Variants in HOXD3 observed in about 807,000 individuals in gnomAD.
HOXD3 encodes homeobox D3.
In HOXD3, 13 loss-of-function variants were observed where a neutral mutation model predicts 32.8. The ratio of observed to expected loss-of-function variants is 0.40; its 90% CI spans 0.26 to 0.63. The LOEUF is 0.63. Among genes scored for constraint, HOXD3 ranks in the 20% least tolerant of loss-of-function variants. HOXD3 has a pLI of 0.44. For missense variants in HOXD3, 504 were observed against 577.1 expected, an observed-to-expected ratio of 0.87 and a Z score of 1.30; for synonymous variants, 241 against 246.8, an observed-to-expected ratio of 0.98 and a Z score of 0.22.
intron 1 of HOXD3, among the ~76,000 whole-genome samples, chr2:176,160,193 G>C (rs1472907265): frequency 7.9e-5 from 12 of 152,192 alleles, no homozygotes; most frequent in African/African-American, 2.9e-4. Context: ...CCGCCTTGCC[G>C]GGGTGCATGA....
At chr2:176,171,490 G>T (rs1026052610) in intron 3 of HOXD3, 27 bp from the exon 4 acceptor site, 2 of 1,553,200 alleles carry the variant, frequency 1.3e-6, no homozygotes, top group African/African-American at 1.4e-5. Flanking sequence ...CTCGCTCAGC[G>T]CCCTCCCTCT....
In HOXD3 at chr2:176,170,181, T is replaced by C. The variant is rs577531938; in HGVS notation, c.541+526T>C. On this transcript the variant is annotated intron_variant, in intron 3 of 3. Transcript: ENST00000683222. The stretch of plus-strand genomic sequence containing the variant: ...CCCATTTTACAGATAAGAAAACTGT[T>C]AGAGAGGATAGGCAACTTGCCCAAG... Among the ~76,000 whole-genome samples, 3 of 152,246 alleles carry C rather than the reference T, an allele frequency of 2.0e-5. No homozygotes were observed. In the East Asian group the frequency reaches 5.8e-4, roughly 29 times the overall value.
Position 176,172,086 on chromosome 2 carries a change from G to T in HOXD3, c.1111G>T (p.Gly371Trp). 1 of 1,611,722 alleles carries T rather than the reference G, an allele frequency of 6.2e-7. No individual in the cohort carries two copies. Among genetic ancestry groups the T allele is most frequent in the East Asian group, 2.2e-5 (1 of 44,840 alleles). Reference protein sequence around the residue: ...NFVESMAPASGPVFNLGHLSH... With the variant: ...NFVESMAPASWPVFNLGHLSH... ...CGTCGAGTCCATGGCGCCCGCGTCC[G>T]GGCCTGTCTTCAACCTGGGCCACCT... is the stretch of plus-strand genomic sequence containing the variant. The change falls in exon 4 of 4, where the codon GGG becomes TGG. Residue 371 changes from glycine to tryptophan, a missense_variant. Gly to Trp is a radical substitution (Grantham distance 184). This residue lies in a region of HOXD3 where 226 missense variants were observed against 246.9 expected (regional missense o/e 0.92). Coordinates refer to ENST00000683222, the MANE Select transcript of HOXD3 (RefSeq NM_006898.5).
At chr2:176,162,289 A>G (rs1283957429) in intron 1 of HOXD3, among the ~76,000 whole-genome samples, 2 of 152,196 alleles carry the variant, frequency 1.3e-5, no homozygotes, top group Admixed American at 6.5e-5. Flanking sequence ...ATTTGGCCCC[A>G]TGGAGCATTC....
intron 1 of HOXD3, among the ~76,000 whole-genome samples, chr2:176,161,248 G>A (rs972833725): frequency 6.6e-6 from 1 of 152,164 alleles, no homozygotes; most frequent in Admixed American, 6.5e-5. Context: ...CATGGAGGAC[G>A]GTGATTAATC....
At chr2:176,160,218 C>T (rs1690756127) in intron 1 of HOXD3, among the ~76,000 whole-genome samples, 1 of 152,186 alleles carries the variant, frequency 6.6e-6, no homozygotes, top group South Asian at 2.1e-4. Flanking sequence ...GCGGAGTACT[C>T]CGCGGGCCCG....
At chr2:176,164,032 C>T (rs1690888775) in intron 1 of HOXD3, 41 bp from the exon 2 acceptor site, 1 of 152,056 alleles carries the variant, frequency 6.6e-6, no homozygotes, top group Non-Finnish European at 1.5e-5. Flanking sequence ...TGTTTGTAAG[C>T]AAGAACCGGC....
chr2:176,162,180 A>G (rs889921753), intron 1 of HOXD3, among the ~76,000 whole-genome samples: 1 of 152,278 alleles, frequency 6.6e-6, no homozygotes, highest in Non-Finnish European at 1.5e-5. Context: ...TGGCTTCATC[A>G]GAACTGAAAG....
chr2:176,172,054 G>T lies in HOXD3; in HGVS notation c.1079G>T (p.Gly360Val), dbSNP rs1224974493. Reference sequence around the variant, plus strand: ...CAGGGCAGCCCGGTGTACGTGGGCGGCAACTTCGTCGAGTCCATGGCGCCC... The same window carrying T: ...CAGGGCAGCCCGGTGTACGTGGGCGTCAACTTCGTCGAGTCCATGGCGCCC... The part of the protein sequence containing the change: ...NLQGSPVYVG[G>V]NFVESMAPAS... Residue 360 changes from glycine to valine, a missense_variant, in exon 4 of 4, where the codon GGC (glycine) becomes GTC (valine). By Grantham distance (109) the Gly-to-Val change is moderately radical (BLOSUM62 -3). Around this residue, in one of 3 missense-constraint regions of HOXD3, gnomAD observed 226 missense variants for 246.9 expected, o/e 0.92. Coordinates refer to ENST00000683222, the MANE Select transcript of HOXD3 (RefSeq NM_006898.5). The T allele has an allele frequency of 6.2e-7, 1 of 1,609,002 alleles. No homozygotes were observed.
chr2:176,157,399 G>T lies in HOXD3; in HGVS notation c.-234G>T, dbSNP rs1000640863. Among the ~76,000 whole-genome samples, 13 of 152,114 alleles carry T rather than the reference G, an allele frequency of 8.5e-5. No individual in the cohort carries two copies. Among genetic ancestry groups the T allele is most frequent in the Non-Finnish European group, 1.6e-4 (11 of 68,010 alleles). On this transcript the variant is annotated 5_prime_UTR_variant, in exon 1 of 4. Coordinates refer to ENST00000683222, the MANE Select transcript of HOXD3 (RefSeq NM_006898.5). ...ATCACCCGTCCAGGGGGGCCGCGCGGTGCCCCCGGCCCTCCACCCCCGGCC... is the reference window on the plus strand; with the variant it reads ...ATCACCCGTCCAGGGGGGCCGCGCGTTGCCCCCGGCCCTCCACCCCCGGCC...
At chr2:176,164,320 C>T (rs951666859) in intron 2 of HOXD3, 152 bp downstream of exon 2, 1 of 152,160 alleles carries the variant, frequency 6.6e-6, no homozygotes, top group South Asian at 2.1e-4. Context: ...ACATGAAAAC[C>T]GATCATTGGC....
intron 2 of HOXD3, chr2:176,164,790 G>A (rs1218867024): frequency 2.6e-5 from 4 of 152,248 alleles, no homozygotes; most frequent in Non-Finnish European, 5.9e-5. Flanking sequence ...CTACCCGTCG[G>A]TGATTTACGA....
intron 1 of HOXD3, among the ~76,000 whole-genome samples, chr2:176,162,654 CT>C (rs1317621813): frequency 6.6e-6 from 1 of 152,116 alleles, no homozygotes; most frequent in African/African-American, 2.4e-5. Flanking sequence ...TTGGGGTCCT[CT>C]TTCCTTTCTT....
intron 1 of HOXD3, among the ~76,000 whole-genome samples, chr2:176,163,030 G>A (rs960132199): frequency 1.3e-5 from 2 of 152,118 alleles, no homozygotes; most frequent in Non-Finnish European, 2.9e-5. Flanking sequence ...GGGGGAGGGG[G>A]GCGGGCAAGT....
At chr2:176,153,285 T>C (rs1001915559), upstream of HOXD3, 2 of 315,142 alleles carry the variant, frequency 6.3e-6, no homozygotes, top group African/African-American at 4.3e-5. Context: ...ACTGTGAATT[T>C]GGACATTCTC....
At position 176,169,250 on chromosome 2, in the gene HOXD3, C is replaced by G. The variant is rs1460748215; in HGVS notation, c.136C>G (p.Pro46Ala). 10 of 1,613,908 alleles carry G rather than the reference C, an allele frequency of 6.2e-6. No homozygotes were observed. Among genetic ancestry groups the G allele is most frequent in the Non-Finnish European group, 8.5e-6 (10 of 1,179,922 alleles). The change falls in exon 3 of 4, where the codon CCC becomes GCC. Residue 46 changes from proline to alanine, a missense_variant. Transcript: ENST00000683222. ...TACGGACACTTACGGCTACAGCACC[C>G]CCCACCAGCCCTACCCACCCCCTGC... is the stretch of plus-strand genomic sequence containing the variant. ...KTTDTYGYST[P>A]HQPYPPPAAA...
rs1370013584 is a variant in HOXD3, at chr2:176,169,362, G to C, written c.248G>C (p.Gly83Ala). 2 of 1,613,884 alleles carry C rather than the reference G, an allele frequency of 1.2e-6. No individual in the cohort carries two copies. Among genetic ancestry groups the C allele is most frequent in the African/African-American group, 2.7e-5 (2 of 74,876 alleles). The change falls in exon 3 of 4, where the codon GGA becomes GCA. Residue 83 changes from glycine to alanine, a missense_variant. By Grantham distance (60) the Gly-to-Ala change is moderately conservative. Coordinates refer to ENST00000683222, the MANE Select transcript of HOXD3 (RefSeq NM_006898.5). ...SAPLRAPAHK[G>A]AELNGSCMRP... Reference sequence around the variant, plus strand: ...CCTCTGAGAGCCCCAGCCCACAAAGGAGCTGAACTCAATGGCAGCTGCATG... The same window carrying C: ...CCTCTGAGAGCCCCAGCCCACAAAGCAGCTGAACTCAATGGCAGCTGCATG...
intron 2 of HOXD3, chr2:176,165,240 A>G (rs1690926225): frequency 6.6e-6 from 1 of 152,176 alleles, no homozygotes; most frequent in African/African-American, 2.4e-5. Flanking sequence ...TACAAACCAC[A>G]ATGACAGGTG....
intron 2 of HOXD3, chr2:176,165,620 T>C (rs899361243): frequency 1.3e-5 from 2 of 152,382 alleles, no homozygotes; most frequent in Non-Finnish European, 2.9e-5. Context: ...CCGGCGGAGT[T>C]TGGGGAGGCT....
Sources: gnomAD v4.1 joint callset for allele counts (sites outside exome capture counted in the v4.1 genomes callset) on GRCh38, gnomAD v4.1.1 for gene constraint, gnomAD v4.1.1 regional missense constraint, MANE v1.5 for transcripts, NCBI Gene and HGNC (gene_info 2026-07-23, HGNC 2026-07-21) for gene names.